Variants in ABCC1 observed in about 807,000 individuals in gnomAD.
ABCC1 encodes ATP binding cassette subfamily C member 1 (ABCC1 blood group), also known as multidrug resistance-associated protein 1.
A neutral mutation model predicts 172.9 loss-of-function variants in ABCC1; 83 were observed. The observed-to-expected ratio is 0.48, with a 90% CI of 0.40 to 0.58. The LOEUF (loss-of-function observed/expected upper bound fraction) is 0.58, where lower values mean the gene tolerates loss of function less well. Among genes scored for constraint, ABCC1 ranks in the 20% least tolerant of loss-of-function variants. The pLI, the probability that ABCC1 is intolerant of heterozygous loss-of-function variation, is 0.00. For synonymous variants in ABCC1, 937 were observed against 825.2 expected (o/e 1.14, Z -2.32); for missense variants, 1,817 against 2,002.7 (o/e 0.91, Z 1.77).
chr16:16,032,969 G>A, intron 5 of ABCC1, 140 bp from the exon 6 acceptor site: 1 of 716,392 alleles, frequency 1.4e-6, no homozygotes, highest in Non-Finnish European at 2.4e-6. Context: ...GTCCTTTTGG[G>A]GTGCAGAATG....
intron 1 of ABCC1, among the ~76,000 whole-genome samples, chr16:15,953,223 C>G (rs977306745): frequency 5.3e-5 from 8 of 151,884 alleles, no homozygotes; most frequent in African/African-American, 1.9e-4. Context: ...GTAATTCCAG[C>G]TACTTGGGAG....
At chr16:16,083,648 G>A (rs962559967) in intron 17 of ABCC1, 106 bp downstream of exon 17, 57 of 1,439,642 alleles carry the variant, frequency 4.0e-5, no homozygotes, top group East Asian at 1.6e-4. Flanking sequence ...CAGCTGACCC[G>A]GCAGGGCTCA....
chr16:16,077,607 C>T (rs2050629792), intron 15 of ABCC1, among the ~76,000 whole-genome samples: 1 of 152,192 alleles, frequency 6.6e-6, no homozygotes, highest in Non-Finnish European at 1.5e-5. Flanking sequence ...CCTGCCCACT[C>T]AGGCCCCATA....
intron 5 of ABCC1, among the ~76,000 whole-genome samples, chr16:16,027,468 GTT>G (rs560193338): frequency 2.0e-5 from 3 of 152,080 alleles, no homozygotes; most frequent in African/African-American, 7.2e-5. Flanking sequence ...ACCCACTGGG[GTT>G]TTTTCCCCCC....
At chr16:16,133,624 G>A (rs570027576) in intron 27 of ABCC1, among the ~76,000 whole-genome samples, 35 of 152,196 alleles carry the variant, frequency 2.3e-4, no homozygotes, top group Middle Eastern at 6.8e-3. Context: ...GGCTGGTCTC[G>A]AACTCCTGAC....
At chr16:16,137,390 C>T (rs2045954743) in intron 29 of ABCC1, among the ~76,000 whole-genome samples, 1 of 152,026 alleles carries the variant, frequency 6.6e-6, no homozygotes, top group Non-Finnish European at 1.5e-5. Context: ...ATGGCAGGGG[C>T]ACAAGAGCGT....
intron 3 of ABCC1, among the ~76,000 whole-genome samples, chr16:16,014,026 G>C (rs2047896060): frequency 6.6e-6 from 1 of 152,288 alleles, no homozygotes; most frequent in East Asian, 1.9e-4. Context: ...AGTTTTATTG[G>C]CATGAAGGCA....
chr16:15,956,240 C>G (rs770850731), intron 1 of ABCC1, among the ~76,000 whole-genome samples: 1 of 152,000 alleles, frequency 6.6e-6, no homozygotes, highest in East Asian at 1.9e-4. Context: ...TGGCGGGTGC[C>G]TGTAATCCCA....
chr16:15,999,710 C>G (rs1232761772), intron 1 of ABCC1, among the ~76,000 whole-genome samples: 1 of 145,876 alleles, frequency 6.9e-6, no homozygotes, highest in Non-Finnish European at 1.5e-5. Flanking sequence ...CAGCTGTCCT[C>G]CCATTTCGGT....
chr16:15,971,852 A>C (rs1258912133), intron 1 of ABCC1, among the ~76,000 whole-genome samples: 1 of 152,122 alleles, frequency 6.6e-6, no homozygotes, highest in African/African-American at 2.4e-5. Flanking sequence ...GTTTAGATAA[A>C]ATGACACAGA....
chr16:16,026,427 C>G (rs1230379289), intron 5 of ABCC1, among the ~76,000 whole-genome samples: 1 of 84,944 alleles, frequency 1.2e-5, no homozygotes, highest in African/African-American at 4.6e-5. Flanking sequence ...AGAGTGAAAC[C>G]GTCTCAAAAA....
intron 1 of ABCC1, among the ~76,000 whole-genome samples, chr16:15,977,851 C>G (rs2046528488): frequency 6.6e-6 from 1 of 152,178 alleles, no homozygotes; most frequent in Non-Finnish European, 1.5e-5. Flanking sequence ...CATCTGTTGT[C>G]ACATGAATGA....
intron 12 of ABCC1, 120 bp from the exon 13 acceptor site, chr16:16,068,036 A>G: frequency 5.3e-6 from 6 of 1,140,756 alleles, no homozygotes; most frequent in Non-Finnish European, 6.3e-6. Context: ...GAGCTCCAGC[A>G]GCTGGTCAGT....
rs1165767788 is a variant in ABCC1, at chr16:16,046,142, G to A, written c.1218+129G>A. On this transcript the variant is annotated intron_variant, in intron 9 of 30. Transcript: ENST00000399410. Reference sequence around the variant, plus strand: ...GAGCAGTAGGATGAGGGTAGCTTCCGTGACCTTAGGTGGCAGGGACAGCAC... The same window carrying A: ...GAGCAGTAGGATGAGGGTAGCTTCCATGACCTTAGGTGGCAGGGACAGCAC... 21 of 995,644 alleles carry A rather than the reference G, an allele frequency of 2.1e-5. 1 individual carries two copies. In the Middle Eastern group the frequency reaches 9.3e-4, roughly 44 times the overall value. The allele number at this position is 995,644 out of a possible 1,614,324, so 61.7% of individuals were successfully genotyped here.
At chr16:16,058,717 C>G (rs1278102911) in intron 12 of ABCC1, among the ~76,000 whole-genome samples, 1 of 152,184 alleles carries the variant, frequency 6.6e-6, no homozygotes, top group East Asian at 1.9e-4. Flanking sequence ...ATGGCACTAT[C>G]TTGGCTCACT....
intron 21 of ABCC1, among the ~76,000 whole-genome samples, chr16:16,108,139 AG>A (rs1424823521): frequency 1.3e-5 from 2 of 152,170 alleles, no homozygotes; most frequent in African/African-American, 4.8e-5. Flanking sequence ...GAAGGGCCAG[AG>A]ATGCCAGGCC....
At chr16:15,992,310 C>A (rs998806333) in intron 1 of ABCC1, among the ~76,000 whole-genome samples, 5 of 152,052 alleles carry the variant, frequency 3.3e-5, no homozygotes, top group Admixed American at 6.6e-5. Context: ...ATAAAGTGCA[C>A]AATAAATGTA....
At chr16:16,071,862 C>T (rs569280118) in intron 14 of ABCC1, 133 bp downstream of exon 14, 42 of 793,290 alleles carry the variant, frequency 5.3e-5, no homozygotes, top group East Asian at 1.1e-4. Context: ...TGCGAGACCC[C>T]GGGGGACAAG....
At chr16:16,098,971 C>T in intron 19 of ABCC1, 1 of 1,286,936 alleles carries the variant, frequency 7.8e-7, no homozygotes, top group African/African-American at 1.5e-5. Flanking sequence ...GAGACTGTCG[C>T]TGCATGTCTG....
Sources: gnomAD v4.1 joint callset for allele counts (sites outside exome capture counted in the v4.1 genomes callset) on GRCh38, gnomAD v4.1.1 for gene constraint, MANE v1.5 for transcripts, NCBI Gene and HGNC (gene_info 2026-07-23, HGNC 2026-07-21) for gene names.